HDAC9: variants seen among roughly 807,000 people sequenced by gnomAD.
HDAC9 encodes the protein MEF-2 interacting transcription repressor (MITR) protein.
Under a neutral mutation model 139.4 loss-of-function variants are expected in HDAC9, and 41 were observed. That is an observed-to-expected ratio of 0.29 (90% CI 0.23 to 0.38). HDAC9 has a LOEUF of 0.38. HDAC9 is among the 10% of genes least tolerant of loss of function. The pLI is 1.00. For synonymous variants in HDAC9, 517 were observed against 476.2 expected (o/e 1.09, Z -1.12); for missense variants, 1,147 against 1,297.0 (o/e 0.88, Z 1.78).
chr7:18,412,945 ACAATT>A (rs1788710816), intron 1 of HDAC9, among the ~76,000 whole-genome samples: 1 of 152,230 alleles, frequency 6.6e-6, no homozygotes, highest in Admixed American at 6.5e-5. Flanking sequence ...GGAATATGAA[ACAATT>A]CAAACTACAT....
At chr7:18,466,927 C>T (rs1465582960) in intron 1 of HDAC9, among the ~76,000 whole-genome samples, 1 of 152,064 alleles carries the variant, frequency 6.6e-6, no homozygotes, top group Non-Finnish European at 1.5e-5. Context: ...TTTATAATTT[C>T]CCTCCCTCTT....
At chr7:18,930,439 C>T (rs193181995) in intron 22 of HDAC9, among the ~76,000 whole-genome samples, 136 of 151,930 alleles carry the variant, frequency 9.0e-4, no homozygotes, top group Non-Finnish European at 1.7e-3. Flanking sequence ...GTTATATATG[C>T]TCTAATCTAA....
chr7:18,834,831 T>G (rs975316601), intron 19 of HDAC9, among the ~76,000 whole-genome samples: 27 of 152,192 alleles, frequency 1.8e-4, no homozygotes, highest in African/African-American at 6.5e-4. Context: ...AACTGAACGC[T>G]TCAAGAAAGC....
chr7:18,237,831 C>G (rs2731552), intron 2 of HDAC9, among the ~76,000 whole-genome samples: 104,732 of 152,090 alleles, frequency 0.69, 36,458 homozygotes, highest in South Asian at 0.84. Context: ...TGCATATGTT[C>G]ATTTGTGAGC....
chr7:18,962,789 A>T (rs1783610036), intron 24 of HDAC9, among the ~76,000 whole-genome samples: 1 of 152,188 alleles, frequency 6.6e-6, no homozygotes, highest in South Asian at 2.1e-4. Context: ...AAGTATTTAC[A>T]TATATTATCT....
At chr7:18,228,243 A>G (rs140489900) in intron 2 of HDAC9, among the ~76,000 whole-genome samples, 2 of 152,026 alleles carry the variant, frequency 1.3e-5, no homozygotes, top group African/African-American at 4.8e-5. Flanking sequence ...TTTTATTTCT[A>G]TTGTTGCCAA....
chr7:18,863,013 A>C (rs984796490), intron 21 of HDAC9, among the ~76,000 whole-genome samples: 2 of 152,174 alleles, frequency 1.3e-5, no homozygotes, highest in Non-Finnish European at 2.9e-5. Context: ...ATATTCTTGT[A>C]ATTATCATCC....
intron 19 of HDAC9, 95 bp from the exon 20 acceptor site, chr7:18,835,372 A>G (rs1796160476): frequency 7.8e-7 from 1 of 1,289,204 alleles, no homozygotes; most frequent in Admixed American, 2.7e-5. Flanking sequence ...TGAGAAAGAA[A>G]GTGGTAGAAA....
intron 2 of HDAC9, among the ~76,000 whole-genome samples, chr7:18,561,538 A>G (rs990603058): frequency 6.6e-6 from 1 of 152,208 alleles, no homozygotes; most frequent in African/African-American, 2.4e-5. Flanking sequence ...ACAATCTAAC[A>G]TAGAATACTT....
chr7:18,720,086 A>G (rs1405021920), intron 12 of HDAC9, among the ~76,000 whole-genome samples: 1 of 152,122 alleles, frequency 6.6e-6, no homozygotes, highest in Non-Finnish European at 1.5e-5. Flanking sequence ...TCTTCTTCCT[A>G]TATTAGGATA....
At chr7:18,376,714 A>G (rs558941711) in intron 1 of HDAC9, among the ~76,000 whole-genome samples, 3 of 152,226 alleles carry the variant, frequency 2.0e-5, no homozygotes, top group Admixed American at 1.3e-4. Context: ...CCTGGAAACT[A>G]TAGATTAACA....
chr7:18,183,103 G>T (rs1195407110), intron 2 of HDAC9, among the ~76,000 whole-genome samples: 1 of 151,342 alleles, frequency 6.6e-6, no homozygotes, highest in East Asian at 1.9e-4. Context: ...TCCGCCTCCT[G>T]GGTTCACGCC....
At chr7:18,337,191 T>G (rs1781646658) in intron 1 of HDAC9, among the ~76,000 whole-genome samples, 1 of 151,644 alleles carries the variant, frequency 6.6e-6, no homozygotes, top group South Asian at 2.1e-4. Context: ...CAACCAACTT[T>G]CAAATGCTCC....
chr7:18,854,063 T>C (rs1013472467), intron 21 of HDAC9, among the ~76,000 whole-genome samples: 1 of 152,212 alleles, frequency 6.6e-6, no homozygotes, highest in African/African-American at 2.4e-5. Context: ...ACATCTATTT[T>C]TGAAATACTT....
chr7:18,090,773 A>T (rs371034420), intron 1 of HDAC9, among the ~76,000 whole-genome samples: 1 of 152,232 alleles, frequency 6.6e-6, no homozygotes, highest in East Asian at 1.9e-4. Flanking sequence ...ACTTACAGGT[A>T]TCAAAGTGAA....
chr7:18,316,369 T>C (rs1191138137), intron 1 of HDAC9, among the ~76,000 whole-genome samples: 1 of 152,152 alleles, frequency 6.6e-6, no homozygotes, highest in Non-Finnish European at 1.5e-5. Context: ...AATATGTACA[T>C]ATAATGTATA....
intron 21 of HDAC9, among the ~76,000 whole-genome samples, chr7:18,870,344 T>A (rs1197883447): frequency 6.6e-6 from 1 of 152,186 alleles, no homozygotes; most frequent in Non-Finnish European, 1.5e-5. Flanking sequence ...GGCCATTACT[T>A]TTGAAGAATA....
At chr7:18,619,280 T>C (rs942371721) in intron 6 of HDAC9, among the ~76,000 whole-genome samples, 2 of 152,174 alleles carry the variant, frequency 1.3e-5, no homozygotes, top group Admixed American at 1.3e-4. Context: ...ATTAGGGTAG[T>C]TGAGGTTCAT....
At chr7:18,563,239 C>G (rs1821159085) in intron 2 of HDAC9, among the ~76,000 whole-genome samples, 1 of 152,090 alleles carries the variant, frequency 6.6e-6, no homozygotes, top group South Asian at 2.1e-4. Flanking sequence ...CTCAGTATAT[C>G]AGTGATTTTT....
Sources: allele counts gnomAD v4.1 joint callset (sites outside exome capture counted in the v4.1 genomes callset), GRCh38; gene constraint gnomAD v4.1.1; transcripts MANE v1.5; gene names NCBI Gene and HGNC (gene_info 2026-07-23, HGNC 2026-07-21).